PTGER3: variants seen among roughly 807,000 people sequenced by gnomAD.
PTGER3 encodes the protein prostaglandin E2 receptor EP3 subtype.
PTGER3 carries 22 observed loss-of-function variants against 34.7 expected under a neutral mutation model. The ratio of observed to expected loss-of-function variants is 0.63; its 90% CI spans 0.45 to 0.91. PTGER3 has a LOEUF of 0.91. PTGER3 is among the 40% of genes least tolerant of loss of function. The probability of loss-of-function intolerance (pLI) is 0.00; values close to 1 mark genes in which losing one functional copy is unlikely to be tolerated. For synonymous variants in PTGER3, 241 were observed against 230.1 expected (o/e 1.05, Z -0.43); for missense variants, 468 against 519.4 (o/e 0.90, Z 0.96).
chr1:70,970,865 A>G lies in PTGER3; in HGVS notation c.*865T>C. 2.1e-6 allele frequency: 2 copies of G among 955,400 alleles called. No individual in the cohort carries two copies. The highest frequency in any genetic ancestry group is 1.2e-6 in the Non-Finnish European group (1 of 802,702). The allele number at this position is 955,400 out of a possible 1,614,324, so 59.2% of individuals were successfully genotyped here. The stretch of plus-strand genomic sequence containing the variant: ...TTATAAAAACGTAATAAAGTTTGTT[A>G]TTCAACAACTGTTATTTATTAATTT... On this transcript the variant is annotated 3_prime_UTR_variant, in exon 4 of 4. Transcript: ENST00000306666.
chr1:71,028,282 A>G (rs1024710870), intron 1 of PTGER3, among the ~76,000 whole-genome samples: 22 of 152,096 alleles, frequency 1.4e-4, no homozygotes, highest in African/African-American at 4.4e-4. Flanking sequence ...CTCTCCTGCT[A>G]GAAGTTAACC....
downstream of PTGER3, chr1:70,952,415 G>GT (rs1356023925): frequency 2.0e-6 from 2 of 985,006 alleles, no homozygotes; most frequent in East Asian, 1.1e-4. Flanking sequence ...AAAAGTGGAA[G>GT]TTTTTTGCCA....
chr1:70,996,234 A>G (rs375298370), intron 2 of PTGER3, among the ~76,000 whole-genome samples: 5 of 152,136 alleles, frequency 3.3e-5, no homozygotes, highest in African/African-American at 1.2e-4. Flanking sequence ...AAAGAGATGT[A>G]ACTCTTTCTA....
In PTGER3 at chr1:70,876,760, C is replaced by G. The variant is rs191400568; in HGVS notation, c.*24-23901G>C. ...TGTCAACTTTGTCAAAAACAAGATG[C>G]CTGTAGGTCTGTGGCTTTACTTCCG... On this transcript the variant is annotated intron_variant, in intron 4 of 4. Transcript: ENST00000370931. Among the ~76,000 whole-genome samples the G allele has an allele frequency of 6.7e-3, 1,024 of 152,092 alleles. 8 individuals carry two copies. Among genetic ancestry groups the G allele is most frequent in the Non-Finnish European group, 0.01 (687 of 67,934 alleles).
At chr1:70,894,681 G>T (rs1023428533) in intron 4 of PTGER3, among the ~76,000 whole-genome samples, 1 of 152,150 alleles carries the variant, frequency 6.6e-6, no homozygotes, top group African/African-American at 2.4e-5. Flanking sequence ...TTAGGCAAAA[G>T]TATATTTAGT....
chr1:70,886,070 A>G (rs970785017), intron 4 of PTGER3, among the ~76,000 whole-genome samples: 1 of 152,182 alleles, frequency 6.6e-6, no homozygotes, highest in South Asian at 2.1e-4. Context: ...CACCAAATTC[A>G]TATGTTGAAA....
At chr1:70,961,171 C>T (rs568262164) in intron 2 of PTGER3, among the ~76,000 whole-genome samples, 3 of 152,332 alleles carry the variant, frequency 2.0e-5, no homozygotes, top group South Asian at 4.1e-4. Context: ...GCAAAATCCT[C>T]GGCCCCATGC....
intron 4 of PTGER3, among the ~76,000 whole-genome samples, chr1:70,922,907 G>T (rs979243520): frequency 1.4e-4 from 22 of 152,226 alleles, no homozygotes; most frequent in African/African-American, 5.1e-4. Flanking sequence ...AAAGTTAAAG[G>T]GGTATTATTC....
intron 2 of PTGER3, among the ~76,000 whole-genome samples, chr1:70,996,522 A>T (rs4650097): frequency 2.0e-5 from 3 of 151,966 alleles, no homozygotes; most frequent in Non-Finnish European, 4.4e-5. Context: ...GCTGAAGTGC[A>T]GTGGCGCGGC....
intron 4 of PTGER3, among the ~76,000 whole-genome samples, chr1:70,940,972 G>A (rs1649705549): frequency 6.6e-6 from 1 of 152,282 alleles, no homozygotes; most frequent in South Asian, 2.1e-4. Context: ...TAACAAAAAT[G>A]TAAAGATAAA....
intron 1 of PTGER3, among the ~76,000 whole-genome samples, chr1:71,045,376 GA>G (rs927304476): frequency 6.6e-6 from 1 of 151,830 alleles, no homozygotes; most frequent in Non-Finnish European, 1.5e-5. Flanking sequence ...AATTAGGAAA[GA>G]AAAAAAACTG....
rs923112679 is a variant in PTGER3, at chr1:71,007,200, T to C, written c.1077+5105A>G. On this transcript the variant is annotated intron_variant, in intron 2 of 3. Transcript: ENST00000306666. ...TTTACAATATGGATTAAAGTGCCAATGATTTCAGCTCCTCCTAGGCACACC... is the reference window on the plus strand; with the variant it reads ...TTTACAATATGGATTAAAGTGCCAACGATTTCAGCTCCTCCTAGGCACACC... 1.1e-5 allele frequency: 11 copies of C among 985,646 alleles called. No individual in the cohort carries two copies. The African/African-American group carries it at 1.9e-4, about 17-fold the overall frequency. 61.1% of individuals were successfully genotyped at this position (985,646 alleles called of 1,614,324 possible). A position where few individuals can be genotyped will look rare whatever the true frequency, so the allele number is the denominator to read the frequency against.
intron 2 of PTGER3, among the ~76,000 whole-genome samples, chr1:70,981,445 T>C (rs1002176455): frequency 6.7e-6 from 1 of 149,974 alleles, no homozygotes; most frequent in Non-Finnish European, 1.5e-5. Context: ...ACAGAGTCTG[T>C]CTCTGTCACC....
chr1:70,875,826 T>C (rs1392760628), intron 4 of PTGER3, among the ~76,000 whole-genome samples: 1 of 152,110 alleles, frequency 6.6e-6, no homozygotes, highest in African/African-American at 2.4e-5. Context: ...CTGTGTAATA[T>C]GTTGTATATC....
intron 2 of PTGER3, chr1:71,009,034 G>T (rs1167857971): frequency 1.8e-5 from 18 of 984,654 alleles, no homozygotes; most frequent in Non-Finnish European, 2.2e-5. Flanking sequence ...TCAACCAAAA[G>T]AACTATTAGT....
intron 2 of PTGER3, among the ~76,000 whole-genome samples, chr1:70,986,854 T>C (rs1443622691): frequency 6.6e-6 from 1 of 152,144 alleles, no homozygotes; most frequent in East Asian, 1.9e-4. Flanking sequence ...AAATAATGGA[T>C]TGATAAAATA....
chr1:70,897,317 T>C lies in PTGER3; in HGVS notation c.*24-44458A>G, dbSNP rs1646742947. Among the ~76,000 whole-genome samples the C allele has an allele frequency of 2.0e-5, 3 of 152,334 alleles. No individual in the cohort carries two copies. The South Asian group carries it at 6.2e-4, about 32-fold the overall frequency. On this transcript the variant is annotated intron_variant, in intron 4 of 4. Coordinates refer to the PTGER3 transcript ENST00000370931. ...ACCGGCAATCCATTCACTCATTTAT[T>C]CATTTGTGAATTCATTCAATGAATA...
intron 2 of PTGER3, chr1:71,011,055 A>G (rs995218757): frequency 1.1e-5 from 11 of 985,712 alleles, no homozygotes; most frequent in South Asian, 4.7e-5. Flanking sequence ...TTGTGTAGGC[A>G]TAACTACAGG....
intron 1 of PTGER3, among the ~76,000 whole-genome samples, chr1:71,022,179 TTAGCTA>T (rs1658478856): frequency 6.6e-6 from 1 of 151,886 alleles, no homozygotes; most frequent in African/African-American, 2.4e-5. Context: ...AGCTGGTGAC[TTAGCTA>T]TAAACAATCA....
Sources: allele counts gnomAD v4.1 joint callset (sites outside exome capture counted in the v4.1 genomes callset), GRCh38; gene constraint gnomAD v4.1.1; transcripts MANE v1.5; gene names NCBI Gene and HGNC (gene_info 2026-07-23, HGNC 2026-07-21).